The following ZMYND11 variants were observed in gnomAD, a reference collection of about 807,000 sequenced individuals.
ZMYND11 encodes the protein zinc finger MYND-type containing 11.
ZMYND11 carries 9 observed loss-of-function variants against 84.9 expected under a neutral mutation model. The ratio of observed to expected loss-of-function variants is 0.11; its 90% CI spans 0.06 to 0.18. ZMYND11 has a LOEUF of 0.18. Ranked by LOEUF, ZMYND11 falls within the 10% of genes least tolerant of loss-of-function variation. The pLI, the probability that ZMYND11 is intolerant of heterozygous loss-of-function variation, is 1.00. For missense variants in ZMYND11, 409 were observed against 761.0 expected (o/e 0.54, Z 5.44); for synonymous variants, 250 against 244.1 (o/e 1.02, Z -0.23).
At chr10:228,208 G>A (rs1171915930) in intron 4 of ZMYND11, among the ~76,000 whole-genome samples, 1 of 152,144 alleles carries the variant, frequency 6.6e-6, no homozygotes, top group Non-Finnish European at 1.5e-5. Flanking sequence ...AAGAAAAAAA[G>A]CTCATATAAT....
intron 3 of ZMYND11, among the ~76,000 whole-genome samples, chr10:214,327 C>T (rs1356034891): frequency 6.6e-6 from 1 of 152,142 alleles, no homozygotes; most frequent in Non-Finnish European, 1.5e-5. Context: ...ACTGAGGAGC[C>T]AGGTGTGATG....
upstream of ZMYND11, among the ~76,000 whole-genome samples, chr10:130,898 A>C (rs191789575): frequency 8.5e-5 from 13 of 152,220 alleles, no homozygotes; most frequent in East Asian, 1.9e-3. Context: ...TGGGCAGATC[A>C]CTTGAGCTCA....
intron 3 of ZMYND11, chr10:218,601 A>C: frequency 4.5e-6 from 1 of 222,690 alleles, no homozygotes; most frequent in Non-Finnish European, 9.9e-6. Flanking sequence ...CTCTTGCTAG[A>C]TTTGTTTGTT....
In ZMYND11 at chr10:235,922, C is replaced by G. The variant is rs139604694; in HGVS notation, c.439-916C>G. Among the ~76,000 whole-genome samples, 108 of 152,320 alleles carry G rather than the reference C, an allele frequency of 7.1e-4. 1 individual carries two copies. The highest frequency in any genetic ancestry group is 2.5e-3 in the African/African-American group (102 of 41,572). On this transcript the variant is annotated intron_variant, in intron 4 of 14. Coordinates refer to ENST00000381604, the MANE Select transcript of ZMYND11 (RefSeq NM_001370100.5). ...TTCACTTAAGCCCTAGCTAAAAGTT[C>G]TCAGTTATGTGAGAAATATTTGTCC...
chr10:203,107 C>T (rs1461450470), intron 2 of ZMYND11, among the ~76,000 whole-genome samples: 1 of 152,146 alleles, frequency 6.6e-6, no homozygotes, highest in African/African-American at 2.4e-5. Flanking sequence ...TAAGCATCCT[C>T]AAGAGTCATG....
intron 4 of ZMYND11, among the ~76,000 whole-genome samples, chr10:233,039 T>C (rs548784580): frequency 2.6e-5 from 4 of 152,200 alleles, no homozygotes; most frequent in Non-Finnish European, 4.4e-5. Flanking sequence ...TGCACCAGCG[T>C]GCGCTTGTCC....
rs531986592 is a variant in ZMYND11 at position 251,284 on chromosome 10, A to G, written c.1687-1064A>G. On this transcript the variant is annotated intron_variant, in intron 14 of 14. Coordinates refer to ENST00000381604, the MANE Select transcript of ZMYND11 (RefSeq NM_001370100.5). ...CTAAGAAGTTAAATAACTTGAAGCC[A>G]CATGACCAGTGGGTGGCACAGACCC... Among the ~76,000 whole-genome samples, 6 of 152,334 alleles carry G rather than the reference A, an allele frequency of 3.9e-5. No individual in the cohort carries two copies. In the East Asian group the frequency reaches 9.6e-4, roughly 24 times the overall value.
intron 14 of ZMYND11, chr10:249,561 T>A: frequency 5.1e-6 from 5 of 985,120 alleles, no homozygotes; most frequent in Non-Finnish European, 6.0e-6. Context: ...TAGTGACATC[T>A]CATTGGTCTC....
intron 14 of ZMYND11, chr10:249,577 A>G (rs1391682314): frequency 2.0e-5 from 20 of 984,992 alleles, no homozygotes; most frequent in Non-Finnish European, 2.4e-5. Flanking sequence ...GTCTCTAACT[A>G]CCCTCCCTCA....
At chr10:151,553 T>G (rs1403985344) in intron 1 of ZMYND11, among the ~76,000 whole-genome samples, 1 of 152,024 alleles carries the variant, frequency 6.6e-6, no homozygotes, top group Non-Finnish European at 1.5e-5. Context: ...CTTCGAGAAA[T>G]ATGGGACTAT....
At chr10:148,872 A>G (rs1554756174) in intron 1 of ZMYND11, 1 of 152,198 alleles carries the variant, frequency 6.6e-6, no homozygotes, top group African/African-American at 2.4e-5. Flanking sequence ...ATAACATACA[A>G]CGTCTGTGTT....
At chr10:176,882 T>C (rs1846750443) in intron 1 of ZMYND11, among the ~76,000 whole-genome samples, 1 of 152,156 alleles carries the variant, frequency 6.6e-6, no homozygotes. Context: ...GGGAGCATAA[T>C]TGGGAACTGT....
At chr10:195,222 CTT>C (rs1941438516) in intron 2 of ZMYND11, among the ~76,000 whole-genome samples, 1 of 152,110 alleles carries the variant, frequency 6.6e-6, no homozygotes. Context: ...CAAATAAAGA[CTT>C]TTGTAGACAA....
chr10:234,982 A>ATGTG (rs60483060), intron 4 of ZMYND11, among the ~76,000 whole-genome samples: 45,738 of 148,814 alleles, frequency 0.31, 6,991 homozygotes, highest in Middle Eastern at 0.36. Context: ...TATTTCGCAA[A>ATGTG]TGTGTGTGTG....
At position 244,952 on chromosome 10, in the gene ZMYND11, G is replaced by A. The variant is rs144011666; in HGVS notation, c.951-1814G>A. On this transcript the variant is annotated intron_variant, in intron 10 of 14. Transcript: ENST00000381604. ...TCATTCCAGGTAGTCAGCACTGCTT[G>A]TAACAGAATTCTCTCTCAAAAGCAA... Among the ~76,000 whole-genome samples the A allele has an allele frequency of 1.0e-3, 154 of 152,278 alleles. 1 individual carries two copies. The highest frequency in any genetic ancestry group is 3.5e-3 in the African/African-American group (145 of 41,560).
intron 1 of ZMYND11, among the ~76,000 whole-genome samples, chr10:160,752 C>CT (rs1475872599): frequency 6.6e-6 from 1 of 152,170 alleles, no homozygotes; most frequent in Non-Finnish European, 1.5e-5. Flanking sequence ...TAAGAAGCAG[C>CT]TCCTCATTCA....
chr10:136,376 C>G (rs1185014978), intron 1 of ZMYND11, among the ~76,000 whole-genome samples: 1 of 152,174 alleles, frequency 6.6e-6, no homozygotes, highest in African/African-American at 2.4e-5. Context: ...CTGTTTTATT[C>G]GTGTGTACCA....
intron 2 of ZMYND11, among the ~76,000 whole-genome samples, chr10:187,416 C>T (rs1240548906): frequency 6.6e-6 from 1 of 151,858 alleles, no homozygotes; most frequent in Non-Finnish European, 1.5e-5. Context: ...GGGCGGATCA[C>T]AAGGTCAGGA....
chr10:217,049 T>A (rs1468823598), intron 3 of ZMYND11, among the ~76,000 whole-genome samples: 1 of 152,238 alleles, frequency 6.6e-6, no homozygotes, highest in African/African-American at 2.4e-5. Flanking sequence ...GTAATATTTA[T>A]CTACTCATTA....
Sources: allele counts gnomAD v4.1 joint callset (sites outside exome capture counted in the v4.1 genomes callset), GRCh38; gene constraint gnomAD v4.1.1; transcripts MANE v1.5; gene names NCBI Gene and HGNC (gene_info 2026-07-23, HGNC 2026-07-21).